The following HS6ST2 variants were observed in gnomAD, a reference collection of about 807,000 sequenced individuals.
HS6ST2 encodes the protein heparan sulfate 6-O-sulfotransferase 2.
HS6ST2 carries 17 observed loss-of-function variants against 33.0 expected under a neutral mutation model. The ratio of observed to expected loss-of-function variants is 0.52; its 90% CI spans 0.35 to 0.77. The LOEUF (loss-of-function observed/expected upper bound fraction) is 0.77, where lower values mean the gene tolerates loss of function less well. Among genes scored for constraint, HS6ST2 ranks in the 30% least tolerant of loss-of-function variants. The probability of loss-of-function intolerance (pLI) is 0.01; values close to 1 mark genes in which losing one functional copy is unlikely to be tolerated. For missense variants in HS6ST2, 519 were observed against 551.7 expected (o/e 0.94, Z 0.59); for synonymous variants, 248 against 237.1 (o/e 1.05, Z -0.42).
chrX:132,662,732 G>C (rs183758543), intron 4 of HS6ST2, among the ~76,000 whole-genome samples: 16 of 112,473 alleles, frequency 1.4e-4, no homozygotes, highest in African/African-American at 5.2e-4. Flanking sequence ...AGGTGAACTT[G>C]CTAAGAAACA....
In HS6ST2 at chrX:132,889,658, C is replaced by T. The variant is rs775629544; in HGVS notation, c.947+67150G>A. 1.6e-4 allele frequency among the ~76,000 whole-genome samples: 18 copies of T among 110,708 alleles called. No homozygotes were observed. In the South Asian group the frequency reaches 6.0e-3, roughly 37 times the overall value. ...GGTATGTGAGGGAAGTACAATGGAGCAGAAATGCAGATCATCAAAGCTAGG... is the reference window on the plus strand; with the variant it reads ...GGTATGTGAGGGAAGTACAATGGAGTAGAAATGCAGATCATCAAAGCTAGG... On this transcript the variant is annotated intron_variant, in intron 2 of 4. Coordinates refer to ENST00000370833, the MANE Select transcript of HS6ST2 (RefSeq NM_001394073.1).
intron 2 of HS6ST2, among the ~76,000 whole-genome samples, chrX:132,911,577 G>C (rs145690066): frequency 3.2e-3 from 355 of 110,331 alleles, no homozygotes; most frequent in Non-Finnish European, 5.1e-3. Flanking sequence ...TCTTTCCCAT[G>C]ATCCCTTAGA....
At chrX:132,732,880 G>A (rs762865056) in intron 2 of HS6ST2, among the ~76,000 whole-genome samples, 2 of 111,646 alleles carry the variant, frequency 1.8e-5, no homozygotes, top group African/African-American at 6.5e-5. Flanking sequence ...TGCTCTCTGG[G>A]CCTCAGTTTC....
chrX:132,901,739 T>C (rs1462943298), intron 2 of HS6ST2, among the ~76,000 whole-genome samples: 1 of 111,336 alleles, frequency 9.0e-6, no homozygotes, highest in Non-Finnish European at 1.9e-5. Context: ...GAGATGGACC[T>C]TGAAGAATGG....
At position 132,740,472 on chromosome X, in the gene HS6ST2, G is replaced by A. The variant is rs192289707; in HGVS notation, c.948-31978C>T. Among the ~76,000 whole-genome samples, 357 of 111,561 alleles carry A rather than the reference G, an allele frequency of 3.2e-3. 1 individual carries two copies. In the Admixed American group the frequency reaches 0.032, roughly 10 times the overall value. On this transcript the variant is annotated intron_variant, in intron 2 of 4. Transcript: ENST00000370833. ...CAGCAAACCATTCACAATAGCGGGG[G>A]TGTGGGGGTGCTGAAATCCGGCAGT...
chrX:132,868,055 A>T (rs566316246), intron 2 of HS6ST2, among the ~76,000 whole-genome samples: 1 of 112,217 alleles, frequency 8.9e-6, no homozygotes, highest in South Asian at 3.7e-4. Flanking sequence ...ATGTGCAAAG[A>T]CACAAATAGG....
chrX:132,846,320 T>G (rs1333516820), intron 2 of HS6ST2, among the ~76,000 whole-genome samples: 1 of 112,168 alleles, frequency 8.9e-6, no homozygotes, highest in Non-Finnish European at 1.9e-5. Context: ...AGTGAAAAAT[T>G]TCATCTCAAG....
chrX:132,918,824 T>TA (rs1408852637), intron 2 of HS6ST2, among the ~76,000 whole-genome samples: 1 of 112,112 alleles, frequency 8.9e-6, no homozygotes. Flanking sequence ...AAAGCCCTGC[T>TA]AACTCTTCTG....
At chrX:132,773,758 G>A (rs1355943491) in intron 2 of HS6ST2, among the ~76,000 whole-genome samples, 1 of 111,910 alleles carries the variant, frequency 8.9e-6, no homozygotes, top group African/African-American at 3.2e-5. Context: ...CTGTTTACAT[G>A]AAATGTTCAA....
intron 3 of HS6ST2, among the ~76,000 whole-genome samples, chrX:132,683,824 G>A (rs1281974664): frequency 1.8e-5 from 2 of 110,758 alleles, no homozygotes; most frequent in East Asian, 2.8e-4. Flanking sequence ...TGGTGTGTTC[G>A]GACCATCACA....
chrX:132,710,660 T>C (rs1179589947), intron 2 of HS6ST2, among the ~76,000 whole-genome samples: 1 of 111,773 alleles, frequency 8.9e-6, no homozygotes, highest in East Asian at 2.8e-4. Context: ...GATTAAACAT[T>C]TGCATTAGAA....
At chrX:132,834,429 C>A (rs145924566) in intron 2 of HS6ST2, among the ~76,000 whole-genome samples, 1,120 of 111,445 alleles carry the variant, frequency 0.01, 11 homozygotes, top group African/African-American at 0.034. Context: ...TATTCCGCGG[C>A]TTAAAGAAAA....
chrX:132,651,180 A>G (rs1015206188), intron 4 of HS6ST2, among the ~76,000 whole-genome samples: 4 of 112,298 alleles, frequency 3.6e-5, no homozygotes, highest in African/African-American at 6.5e-5. Flanking sequence ...AGTACTCACT[A>G]TTTCATATTT....
At chrX:132,905,472 AC>A (rs2066463808) in intron 2 of HS6ST2, among the ~76,000 whole-genome samples, 1 of 112,535 alleles carries the variant, frequency 8.9e-6, no homozygotes, top group Non-Finnish European at 1.9e-5. Flanking sequence ...GTTCTACCAC[AC>A]TTTGAAAAGT....
chrX:132,656,088 C>T (rs934543626), intron 4 of HS6ST2, among the ~76,000 whole-genome samples: 4 of 107,918 alleles, frequency 3.7e-5, no homozygotes, highest in African/African-American at 1.5e-4. Flanking sequence ...GGGAGCATTA[C>T]TCAAAACCTG....
At chrX:132,831,333 C>T (rs1006771080) in intron 2 of HS6ST2, among the ~76,000 whole-genome samples, 1 of 111,109 alleles carries the variant, frequency 9.0e-6, no homozygotes, top group Non-Finnish European at 1.9e-5. Context: ...CTTAACTAAC[C>T]CTGGCATCGG....
intron 4 of HS6ST2, among the ~76,000 whole-genome samples, chrX:132,661,502 G>T (rs78922558): frequency 1.8e-5 from 2 of 111,411 alleles, no homozygotes; most frequent in East Asian, 2.8e-4. Context: ...TAGGAAAAGC[G>T]TGTATCCTGA....
chrX:132,760,136 C>T (rs2064792290), intron 2 of HS6ST2, among the ~76,000 whole-genome samples: 1 of 111,215 alleles, frequency 9.0e-6, no homozygotes, highest in Non-Finnish European at 1.9e-5. Context: ...GTGGGGTGAG[C>T]TCCTTGAAAT....
At chrX:132,670,503 A>C (rs780987202) in intron 3 of HS6ST2, among the ~76,000 whole-genome samples, 1 of 111,911 alleles carries the variant, frequency 8.9e-6, no homozygotes, top group Non-Finnish European at 1.9e-5. Context: ...CCAAGCACTT[A>C]AGAGTCAGTG....
Sources: gnomAD v4.1 joint callset for allele counts (sites outside exome capture counted in the v4.1 genomes callset) on GRCh38, gnomAD v4.1.1 for gene constraint, MANE v1.5 for transcripts, NCBI Gene and HGNC (gene_info 2026-07-23, HGNC 2026-07-21) for gene names.